Variants in SH3PXD2B observed in about 807,000 individuals in gnomAD.
The protein encoded by SH3PXD2B is SH3 and PX domain-containing protein 2B.
Under a neutral mutation model 73.1 loss-of-function variants are expected in SH3PXD2B, and 37 were observed. The observed-to-expected ratio is 0.51, with a 90% CI of 0.39 to 0.67. The LOEUF is 0.67. Among genes scored for constraint, SH3PXD2B ranks in the 30% least tolerant of loss-of-function variants. SH3PXD2B has a pLI of 0.00. For missense variants in SH3PXD2B, 1,053 were observed against 1,197.8 expected, an observed-to-expected ratio of 0.88 and a Z score of 1.78; for synonymous variants, 457 against 480.5, an observed-to-expected ratio of 0.95 and a Z score of 0.64.
chr5:172,429,584 T>C (rs896357751), intron 1 of SH3PXD2B, among the ~76,000 whole-genome samples: 1 of 151,542 alleles, frequency 6.6e-6, no homozygotes, highest in African/African-American at 2.4e-5. Context: ...CCTCACTTCC[T>C]CTAAGTCAGC....
At chr5:172,350,639 GA>G (rs774405743) in intron 9 of SH3PXD2B, 50 bp from the exon 10 acceptor site, 1 of 1,532,004 alleles carries the variant, frequency 6.5e-7, no homozygotes, top group African/African-American at 1.4e-5. Flanking sequence ...AGGCCCAAGG[GA>G]AGAAGCCTTG....
At chr5:172,368,629 T>TATATGTTATATATATAA (rs1757615968) in intron 6 of SH3PXD2B, among the ~76,000 whole-genome samples, 1 of 10,692 alleles carries the variant, frequency 9.4e-5, no homozygotes, top group Non-Finnish European at 1.2e-4. Flanking sequence ...TATATATATA[T>TATATGTTATATATATAA]AATATATATG....
intron 3 of SH3PXD2B, among the ~76,000 whole-genome samples, chr5:172,402,540 C>T (rs1266665169): frequency 6.6e-6 from 1 of 152,198 alleles, no homozygotes; most frequent in Non-Finnish European, 1.5e-5. Flanking sequence ...AACCTGCCGA[C>T]ATGTGATGTC....
chr5:172,453,359 T>A lies in SH3PXD2B; in HGVS notation c.75+919A>T, dbSNP rs1581352149. 2.6e-5 allele frequency among the ~76,000 whole-genome samples: 4 copies of A among 152,274 alleles called. 1 individual carries two copies. Among genetic ancestry groups the A allele is most frequent in the Admixed American group, 2.6e-4 (4 of 15,298 alleles). ...TAATGAGGCCCTCCCCAAGGCCTCA[T>A]GTGGGCCCATCACCCCACATCCCCT... On this transcript the variant is annotated intron_variant, in intron 1 of 12. Coordinates refer to ENST00000311601, the MANE Select transcript of SH3PXD2B (RefSeq NM_001017995.3).
chr5:172,330,449 C>T (rs1385545260), downstream of SH3PXD2B, among the ~76,000 whole-genome samples: 1 of 152,144 alleles, frequency 6.6e-6, no homozygotes, highest in Non-Finnish European at 1.5e-5. Flanking sequence ...TGAAACGTTG[C>T]CCCTGATAGA....
intron 4 of SH3PXD2B, among the ~76,000 whole-genome samples, chr5:172,391,634 T>C (rs1435684420): frequency 6.6e-6 from 1 of 152,154 alleles, no homozygotes; most frequent in Non-Finnish European, 1.5e-5. Context: ...GGCTAGTTTT[T>C]GTATTTTTAG....
chr5:172,450,467 T>G (rs997575593), intron 1 of SH3PXD2B, among the ~76,000 whole-genome samples: 1 of 152,162 alleles, frequency 6.6e-6, no homozygotes, highest in African/African-American at 2.4e-5. Context: ...TTTTATTCTA[T>G]GTATCTATAT....
intron 2 of SH3PXD2B, among the ~76,000 whole-genome samples, chr5:172,416,763 C>T (rs1402767284): frequency 7.9e-6 from 1 of 126,260 alleles, no homozygotes; most frequent in African/African-American, 3.0e-5. Context: ...GGCTAGAGTG[C>T]AGTGGCACAA....
intron 10 of SH3PXD2B, among the ~76,000 whole-genome samples, chr5:172,348,671 C>CTATG (rs1757071130): frequency 1.8e-5 from 1 of 55,566 alleles, no homozygotes; most frequent in African/African-American, 5.4e-5. Flanking sequence ...ATCTATCTAT[C>CTATG]TATCTATCTA....
At chr5:172,348,854 G>C (rs1456896226) in intron 10 of SH3PXD2B, among the ~76,000 whole-genome samples, 1 of 152,014 alleles carries the variant, frequency 6.6e-6, no homozygotes. Context: ...CTACAGGTGT[G>C]TGCCACCACG....
intron 10 of SH3PXD2B, among the ~76,000 whole-genome samples, chr5:172,348,651 TATCC>T (rs1757060303): frequency 4.1e-5 from 1 of 24,482 alleles, no homozygotes; most frequent in African/African-American, 1.1e-4. Context: ...TCTATCTATC[TATCC>T]TATCTATCTA....
At position 172,371,625 on chromosome 5, in the gene SH3PXD2B, A is replaced by AT. The variant is rs149642063; in HGVS notation, c.427+2164dup. ...ATGCTATTTTCCAACCAGTTGAACT[A>AT]TAAATAAATCCATCCCCATCATTTC... On this transcript the variant is annotated intron_variant, in intron 6 of 12. Transcript: ENST00000311601. Among the ~76,000 whole-genome samples the AT allele has an allele frequency of 1.2e-3, 185 of 152,328 alleles. 2 individuals carry two copies. In the East Asian group the frequency reaches 0.03, roughly 24 times the overall value.
intron 1 of SH3PXD2B, among the ~76,000 whole-genome samples, chr5:172,432,158 G>T (rs1211556477): frequency 6.6e-6 from 1 of 152,204 alleles, no homozygotes; most frequent in Non-Finnish European, 1.5e-5. Flanking sequence ...GGACAACAGA[G>T]TGAGACTCTG....
At chr5:172,394,751 A>C (rs1758258781) in intron 3 of SH3PXD2B, 112 bp from the exon 4 acceptor site, 27 of 1,109,866 alleles carry the variant, frequency 2.4e-5, no homozygotes, top group Non-Finnish European at 3.6e-5. Flanking sequence ...TGGTGCCAAA[A>C]TTCCTGGCTG....
At chr5:172,425,037 G>A (rs760896963) in intron 1 of SH3PXD2B, among the ~76,000 whole-genome samples, 13 of 152,098 alleles carry the variant, frequency 8.5e-5, no homozygotes, top group South Asian at 2.1e-4. Context: ...AAGGGGCCAC[G>A]GCATCCTTTA....
chr5:172,326,467 C>T (rs2070019076), intron 12 of SH3PXD2B, among the ~76,000 whole-genome samples: 1 of 152,056 alleles, frequency 6.6e-6, no homozygotes, highest in Admixed American at 6.6e-5. Context: ...GTGTGGCCCT[C>T]CAAGGAGGGA....
At chr5:172,399,378 T>C (rs964993844) in intron 3 of SH3PXD2B, among the ~76,000 whole-genome samples, 1 of 152,204 alleles carries the variant, frequency 6.6e-6, no homozygotes, top group Non-Finnish European at 1.5e-5. Flanking sequence ...GCTGAGTTAA[T>C]TGCTATAAAT....
intron 3 of SH3PXD2B, among the ~76,000 whole-genome samples, chr5:172,399,235 C>T (rs1482992231): frequency 2.6e-5 from 4 of 152,110 alleles, no homozygotes; most frequent in African/African-American, 9.7e-5. Context: ...CTTGGGTGGT[C>T]CCTCGATTAA....
chr5:172,416,713 T>C (rs1382425685), intron 2 of SH3PXD2B, among the ~76,000 whole-genome samples: 6,751 of 92,588 alleles, frequency 0.073, 380 homozygotes, highest in African/African-American at 0.15. Flanking sequence ...TTTTTTTTTT[T>C]TTTTTTTTTT....
Sources: gnomAD v4.1 joint callset for allele counts (sites outside exome capture counted in the v4.1 genomes callset) on GRCh38, gnomAD v4.1.1 for gene constraint, MANE v1.5 for transcripts, NCBI Gene and HGNC (gene_info 2026-07-23, HGNC 2026-07-21) for gene names.